Variants in PTPRD observed in about 807,000 individuals in gnomAD.
PTPRD encodes the protein receptor-type tyrosine-protein phosphatase delta.
PTPRD carries 34 observed loss-of-function variants against 214.5 expected under a neutral mutation model. That is an observed-to-expected ratio of 0.16 (90% CI 0.12 to 0.21). PTPRD has a LOEUF of 0.21. Ranked by LOEUF, PTPRD falls within the 10% of genes least tolerant of loss-of-function variation. The pLI, the probability that PTPRD is intolerant of heterozygous loss-of-function variation, is 1.00. For synonymous variants in PTPRD, 1,128 were observed against 845.7 expected, an observed-to-expected ratio of 1.33 and a Z score of -5.79; for missense variants, 2,545 against 2,398.7, an observed-to-expected ratio of 1.06 and a Z score of -1.27.
intron 4 of PTPRD, among the ~76,000 whole-genome samples, chr9:9,955,439 A>G (rs868860393): frequency 1.3e-5 from 2 of 152,148 alleles, no homozygotes; most frequent in East Asian, 1.9e-4. Context: ...CGTTTGTTAT[A>G]TATCAATTTG....
intron 6 of PTPRD, among the ~76,000 whole-genome samples, chr9:9,746,132 A>C (rs1048171996): frequency 6.6e-6 from 1 of 152,186 alleles, no homozygotes; most frequent in Non-Finnish European, 1.5e-5. Flanking sequence ...GAATGAAATT[A>C]TGAAAGAACA....
At chr9:8,469,520 C>G (rs945627813) in intron 31 of PTPRD, among the ~76,000 whole-genome samples, 1 of 151,944 alleles carries the variant, frequency 6.6e-6, no homozygotes, top group Non-Finnish European at 1.5e-5. Flanking sequence ...AAGAATATAT[C>G]AAGATTAATT....
intron 2 of PTPRD, among the ~76,000 whole-genome samples, chr9:10,494,855 T>C (rs796510421): frequency 3.3e-5 from 5 of 151,680 alleles, no homozygotes; most frequent in African/African-American, 1.2e-4. Context: ...ATTCTAGTAT[T>C]GGGCAAATTA....
chr9:9,672,883 TA>T (rs1338345817), intron 7 of PTPRD, among the ~76,000 whole-genome samples: 8 of 152,144 alleles, frequency 5.3e-5, no homozygotes, highest in African/African-American at 1.4e-4. Context: ...ATGTAGATGG[TA>T]AAATGCATGC....
intron 5 of PTPRD, among the ~76,000 whole-genome samples, chr9:9,836,542 T>C (rs1287024390): frequency 6.6e-6 from 1 of 152,118 alleles, no homozygotes; most frequent in African/African-American, 2.4e-5. Flanking sequence ...TTCTAGTTTA[T>C]GGGGTGACTG....
chr9:9,719,760 T>G (rs2097902667), intron 7 of PTPRD, among the ~76,000 whole-genome samples: 1 of 152,284 alleles, frequency 6.6e-6, no homozygotes, highest in African/African-American at 2.4e-5. Context: ...ACACCCTCTT[T>G]GGGGTTCTGC....
At chr9:10,527,319 C>T (rs534149207) in intron 2 of PTPRD, among the ~76,000 whole-genome samples, 15 of 152,062 alleles carry the variant, frequency 9.9e-5, no homozygotes, top group Non-Finnish European at 1.9e-4. Context: ...TCAAACAGCC[C>T]GTCTCAAACA....
Position 10,245,297 on chromosome 9 carries a change from T to C in PTPRD, c.-545+95666A>G, listed in dbSNP as rs141576687. Among the ~76,000 whole-genome samples the C allele has an allele frequency of 2.3e-3, 353 of 152,226 alleles. 1 individual carries two copies. Among genetic ancestry groups the C allele is most frequent in the African/African-American group, 8.3e-3 (345 of 41,550 alleles). ...AACATATATTCCTTTACATACAGAGTAACCTGAGGTTATAAGGTAAAGCCA... is the reference window on the plus strand; with the variant it reads ...AACATATATTCCTTTACATACAGAGCAACCTGAGGTTATAAGGTAAAGCCA... On this transcript the variant is annotated intron_variant, in intron 3 of 45. Transcript: ENST00000381196.
intron 7 of PTPRD, among the ~76,000 whole-genome samples, chr9:9,582,205 C>G (rs1035596297): frequency 1.3e-5 from 2 of 152,060 alleles, no homozygotes; most frequent in African/African-American, 4.8e-5. Flanking sequence ...GACAACCATC[C>G]TTAGTCTCAA....
At chr9:8,807,129 G>A (rs577282834) in intron 11 of PTPRD, among the ~76,000 whole-genome samples, 1 of 152,144 alleles carries the variant, frequency 6.6e-6, no homozygotes, top group Non-Finnish European at 1.5e-5. Flanking sequence ...CTGAGCTCAG[G>A]AGTTCGAGAC....
chr9:8,855,425 C>T (rs767224294), intron 11 of PTPRD, among the ~76,000 whole-genome samples: 9 of 152,140 alleles, frequency 5.9e-5, no homozygotes, highest in Non-Finnish European at 1.3e-4. Context: ...TGAGTAACTG[C>T]ACAACTGCTC....
chr9:9,522,671 A>G (rs2097014427), intron 8 of PTPRD, among the ~76,000 whole-genome samples: 1 of 152,180 alleles, frequency 6.6e-6, no homozygotes, highest in South Asian at 2.1e-4. Context: ...TTCTCTAATC[A>G]TAATAAAAAA....
intron 11 of PTPRD, among the ~76,000 whole-genome samples, chr9:8,850,477 A>G (rs749605614): frequency 1.7e-4 from 26 of 152,340 alleles, no homozygotes; most frequent in Middle Eastern, 3.4e-3. Flanking sequence ...ACTTCCATCC[A>G]TGGCATATTT....
intron 2 of PTPRD, among the ~76,000 whole-genome samples, chr9:10,457,147 T>A (rs187906847): frequency 6.6e-6 from 1 of 151,978 alleles, no homozygotes; most frequent in African/African-American, 2.4e-5. Context: ...ATATCTTAAA[T>A]GTAGAGCTGG....
At chr9:8,340,997 T>C (rs1402270474) in intron 41 of PTPRD, 93 bp downstream of exon 41, 11 of 1,280,572 alleles carry the variant, frequency 8.6e-6, no homozygotes, top group Middle Eastern at 1.9e-4. Context: ...AAAGAAAATG[T>C]CTTTGAATGG....
chr9:9,358,379 T>C (rs1040151627), intron 9 of PTPRD, among the ~76,000 whole-genome samples: 24 of 151,464 alleles, frequency 1.6e-4, no homozygotes, highest in Non-Finnish European at 2.1e-4. Flanking sequence ...CTTACTATAA[T>C]GAAATCAGAA....
Position 8,948,406 on chromosome 9 carries a change from A to AATAT in PTPRD, c.-104+70287_-104+70290dup, listed in dbSNP as rs200142612. Among the ~76,000 whole-genome samples the AATAT allele has an allele frequency of 2.1e-3, 118 of 57,124 alleles. 3 individuals carry two copies. The highest frequency in any genetic ancestry group is 3.3e-3 in the Non-Finnish European group (99 of 30,070). 37.5% of individuals were successfully genotyped at this position (57,124 alleles called of 152,430 possible). A position where few individuals can be genotyped will look rare whatever the true frequency, so the allele number is the denominator to read the frequency against. On this transcript the variant is annotated intron_variant, in intron 11 of 45. Transcript: ENST00000381196. Reference sequence around the variant, plus strand: ...TTATTGGTATGTCCATTGGGTTTAAAATATATATATATATATATTTATATA... The same window carrying AATAT: ...TTATTGGTATGTCCATTGGGTTTAAAATATATATATATATATATATATTTATATA...
At chr9:8,990,951 A>G (rs777103645) in intron 11 of PTPRD, among the ~76,000 whole-genome samples, 3 of 152,024 alleles carry the variant, frequency 2.0e-5, no homozygotes, top group Non-Finnish European at 4.4e-5. Flanking sequence ...ACAGTGGCTC[A>G]TGTCTGTAGT....
rs1197798913 is a variant in PTPRD, at chr9:8,485,210, A to G, written c.3153+17T>C. ...TACTTTTATCTGTGATTTCTTACAA[A>G]TTAGAAAACAACTTACTTTGAAAGG... On this transcript the variant is annotated intron_variant, in intron 29 of 45. Coordinates refer to ENST00000381196, the MANE Select transcript of PTPRD (RefSeq NM_002839.4). 2 of 1,604,630 alleles carry G rather than the reference A, an allele frequency of 1.2e-6. No homozygotes were observed. The highest frequency in any genetic ancestry group is 1.7e-5 in the Admixed American group (1 of 59,834).
Sources: allele counts gnomAD v4.1 joint callset (sites outside exome capture counted in the v4.1 genomes callset), GRCh38; gene constraint gnomAD v4.1.1; transcripts MANE v1.5; gene names NCBI Gene and HGNC (gene_info 2026-07-23, HGNC 2026-07-21).